ACACB: variants seen among roughly 807,000 people sequenced by gnomAD.
ACACB encodes the protein acetyl-CoA carboxylase beta.
ACACB carries 209 observed loss-of-function variants against 278.8 expected under a neutral mutation model. The observed-to-expected ratio is 0.75, with a 90% CI of 0.67 to 0.84. ACACB has a LOEUF of 0.84. Ranked by LOEUF, ACACB falls within the 40% of genes least tolerant of loss-of-function variation. The pLI, the probability that ACACB is intolerant of heterozygous loss-of-function variation, is 0.00. For missense variants in ACACB, 2,850 were observed against 3,269.0 expected (o/e 0.87, Z 3.13); for synonymous variants, 1,174 against 1,285.6 (o/e 0.91, Z 1.86).
rs201637486 is a variant in ACACB at position 109,210,248 on chromosome 12, T to C, written c.3249+895T>C. 7.2e-3 allele frequency among the ~76,000 whole-genome samples: 339 copies of C among 47,170 alleles called. 90 individuals carry two copies. The highest frequency in any genetic ancestry group is 0.048 in the Middle Eastern group (2 of 42). 30.9% of individuals were successfully genotyped at this position (47,170 alleles called of 152,430 possible). On this transcript the variant is annotated intron_variant, in intron 21 of 52. Transcript: ENST00000338432. ...GTGTGTATATGTATATATGTATATA[T>C]ACACACATGTGTGTATATGTACATA... is the stretch of plus-strand genomic sequence containing the variant.
chr12:109,253,951 C>A (rs1016981944), intron 43 of ACACB, among the ~76,000 whole-genome samples: 10 of 152,148 alleles, frequency 6.6e-5, no homozygotes, highest in South Asian at 2.1e-4. Flanking sequence ...CCCTTTCCTG[C>A]GTTTCTGTAA....
intron 13 of ACACB, among the ~76,000 whole-genome samples, chr12:109,190,385 G>T (rs2044826852): frequency 6.6e-6 from 1 of 152,176 alleles, no homozygotes; most frequent in East Asian, 1.9e-4. Context: ...ACTGCACCTG[G>T]CCTGAGGTTT....
At chr12:109,255,173 TTC>T (rs985600883) in intron 44 of ACACB, among the ~76,000 whole-genome samples, 44 of 152,188 alleles carry the variant, frequency 2.9e-4, no homozygotes, top group African/African-American at 1.0e-3. Context: ...CACACACACA[TTC>T]TCTCTCTGAA....
At chr12:109,250,353 G>A (rs1435146924) in intron 41 of ACACB, among the ~76,000 whole-genome samples, 1 of 151,570 alleles carries the variant, frequency 6.6e-6, no homozygotes, top group African/African-American at 2.4e-5. Context: ...ATCTTTAACA[G>A]ATAATGACTC....
chr12:109,125,235 T>C (rs556546881), intron 1 of ACACB: 46 of 152,290 alleles, frequency 3.0e-4, no homozygotes, highest in African/African-American at 1.1e-3. Flanking sequence ...TTTAAAGATA[T>C]TTTGATGTGT....
rs190169259 is a variant in ACACB at position 109,234,017 on chromosome 12, C to T, written c.4319C>T (p.Pro1440Leu). ...ADHLEDEALV[P>L]ILRTFVQSKK... is the part of the protein sequence containing the mutation. ...CACCTGGAGGATGAGGCACTGGTGC[C>T]GATTTTACGGACATTCGTACAGTCC... is the stretch of plus-strand genomic sequence containing the variant. The change falls in exon 31 of 53, where the codon CCG becomes CTG. Residue 1440 changes from proline to leucine, a missense_variant. Pro to Leu is a moderately conservative substitution (Grantham distance 98, BLOSUM62 -3). Coordinates refer to ENST00000338432, the MANE Select transcript of ACACB (RefSeq NM_001093.4). 1.9e-5 allele frequency: 31 copies of T among 1,613,628 alleles called. No homozygotes were observed. The Admixed American group carries it at 3.0e-4, about 16-fold the overall frequency.
At chr12:109,133,060 C>T (rs2042870985) in intron 1 of ACACB, among the ~76,000 whole-genome samples, 1 of 152,152 alleles carries the variant, frequency 6.6e-6, no homozygotes, top group South Asian at 2.1e-4. Flanking sequence ...CGTAGTTAAT[C>T]AGCCATCCAT....
chr12:109,243,210 T>C (rs1442147613), intron 37 of ACACB, among the ~76,000 whole-genome samples: 5 of 152,162 alleles, frequency 3.3e-5, no homozygotes, highest in African/African-American at 4.8e-5. Flanking sequence ...ATTTATTAAG[T>C]ACCTGCTACT....
At chr12:109,116,785 C>G (rs1404566423) in intron 1 of ACACB, 81 bp downstream of exon 1, 1 of 152,176 alleles carries the variant, frequency 6.6e-6, no homozygotes, top group Non-Finnish European at 1.5e-5. Flanking sequence ...ATAGTGAGAG[C>G]AGACCCTGTC....
At chr12:109,115,586 T>C (rs1429129526), upstream of ACACB, among the ~76,000 whole-genome samples, 3 of 99,586 alleles carry the variant, frequency 3.0e-5, no homozygotes, top group Non-Finnish European at 5.4e-5. Context: ...CCTGCATTCC[T>C]TCACCCCGGT....
chr12:109,200,357 T>C (rs933553201), intron 18 of ACACB, among the ~76,000 whole-genome samples: 13 of 152,028 alleles, frequency 8.6e-5, no homozygotes, highest in Admixed American at 5.9e-4. Context: ...CTTAATTTTT[T>C]GTATTTTTGG....
Position 109,235,588 on chromosome 12 carries a change from G to A in ACACB, c.4405-18G>A, listed in dbSNP as rs758457641. On this transcript the variant is annotated intron_variant, in intron 32 of 52. Coordinates refer to ENST00000338432, the MANE Select transcript of ACACB (RefSeq NM_001093.4). Reference sequence around the variant, plus strand: ...CTTGCTTGATTTAATTGTCTTGTGTGTGGATTTCTTTTTGCAGAAAGAATT... The same window carrying A: ...CTTGCTTGATTTAATTGTCTTGTGTATGGATTTCTTTTTGCAGAAAGAATT... 43 of 1,610,018 alleles carry A rather than the reference G, an allele frequency of 2.7e-5. No homozygotes were observed. In the East Asian group the frequency reaches 9.6e-4, roughly 36 times the overall value.
At chr12:109,135,711 A>G (rs1390721364) in intron 1 of ACACB, among the ~76,000 whole-genome samples, 1 of 151,544 alleles carries the variant, frequency 6.6e-6, no homozygotes, top group Non-Finnish European at 1.5e-5. Context: ...TTTTGAGTTA[A>G]TGATTGTATG....
intron 20 of ACACB, among the ~76,000 whole-genome samples, chr12:109,207,959 C>T (rs199617503): frequency 2.0e-5 from 3 of 152,082 alleles, no homozygotes; most frequent in Non-Finnish European, 2.9e-5. Flanking sequence ...GGATTACAGG[C>T]GTGAGCCACC....
At chr12:109,219,063 G>A (rs758716753) in intron 24 of ACACB, among the ~76,000 whole-genome samples, 2 of 152,046 alleles carry the variant, frequency 1.3e-5, no homozygotes, top group African/African-American at 2.4e-5. Context: ...CACCACGCCC[G>A]GCCTGGCAAC....
At chr12:109,258,500 G>A in intron 46 of ACACB, 136 bp downstream of exon 46, 1 of 655,270 alleles carries the variant, frequency 1.5e-6, no homozygotes, top group Non-Finnish European at 2.6e-6. Context: ...CCTGGCCCTG[G>A]GGGGCTCAGT....
chr12:109,223,944 A>G (rs2046248344), intron 27 of ACACB, 40 bp downstream of exon 27: 1 of 1,549,058 alleles, frequency 6.5e-7, no homozygotes, highest in Non-Finnish European at 8.9e-7. Context: ...TGACCATGCC[A>G]GTTCTAGTGT....
chr12:109,139,578 C>T lies in ACACB; in HGVS notation c.173C>T (p.Pro58Leu), dbSNP rs769946341. 220 of 1,613,936 alleles carry T rather than the reference C, an allele frequency of 1.4e-4. No homozygotes were observed. Among genetic ancestry groups the T allele is most frequent in the Middle Eastern group, 1.6e-4 (1 of 6,084 alleles). The change falls in exon 2 of 53, where the codon CCG (proline) becomes CTG (leucine). Residue 58 changes from proline (P) to leucine (L), a missense_variant. Coordinates refer to ENST00000338432, the MANE Select transcript of ACACB (RefSeq NM_001093.4). ...GCCTCTGATAACTCAGGGGAGACAC[C>T]GCAGAGAAATGGGGAGGGCCACACT... ...FPASDNSGET[P>L]QRNGEGHTLP...
rs1267228825 is a variant in ACACB, at chr12:109,180,003, C to G, written c.1734C>G (p.Phe578Leu). Residue 578 changes from phenylalanine to leucine, a missense_variant, in exon 11 of 53, where the codon TTC (phenylalanine) becomes TTG (leucine). By Grantham distance (22) the Phe-to-Leu change is conservative. Coordinates refer to ENST00000338432, the MANE Select transcript of ACACB (RefSeq NM_001093.4). ...YLYSQDGSFH[F>L]LELNPRLQVE... is the part of the protein sequence containing the mutation. ...ATAGTCAGGATGGCAGCTTCCACTTCTTGGAGCTGAATCCTCGCTTGCAGG... is the reference window on the plus strand; with the variant it reads ...ATAGTCAGGATGGCAGCTTCCACTTGTTGGAGCTGAATCCTCGCTTGCAGG... 6.2e-7 allele frequency: 1 copy of G among 1,613,732 alleles called. No homozygotes were observed. The highest frequency in any genetic ancestry group is 1.3e-5 in the African/African-American group (1 of 74,914).
Sources: allele counts gnomAD v4.1 joint callset (sites outside exome capture counted in the v4.1 genomes callset), GRCh38; gene constraint gnomAD v4.1.1; transcripts MANE v1.5; gene names NCBI Gene and HGNC (gene_info 2026-07-23, HGNC 2026-07-21).